The following PAFAH1B1 variants were observed in gnomAD, a reference collection of about 807,000 sequenced individuals.
The protein encoded by PAFAH1B1 is platelet-activating factor acetylhydrolase IB subunit beta.
Under a neutral mutation model 57.5 loss-of-function variants are expected in PAFAH1B1, and 2 were observed. That is an observed-to-expected ratio of 0.03 (90% CI 0.01 to 0.11). The LOEUF is 0.11. Ranked by LOEUF, PAFAH1B1 falls within the 10% of genes least tolerant of loss-of-function variation. The pLI, the probability that PAFAH1B1 is intolerant of heterozygous loss-of-function variation, is 1.00. For missense variants in PAFAH1B1, 257 were observed against 512.0 expected, an observed-to-expected ratio of 0.50 and a Z score of 4.81; for synonymous variants, 152 against 169.6, an observed-to-expected ratio of 0.90 and a Z score of 0.81.
chr17:2,666,985 T>C lies in PAFAH1B1; in HGVS notation c.193-7T>C, dbSNP rs529421112. On this transcript the variant is annotated splice_polypyrimidine_tract_variant and splice_region_variant and intron_variant, in intron 4 of 10. Coordinates refer to ENST00000397195, the MANE Select transcript of PAFAH1B1 (RefSeq NM_000430.4). ...TATCTGTACGTAACTACATGTTCTT[T>C]TTCAAGGTTATGGAATTAGAATCAA... 8 of 1,605,472 alleles carry C rather than the reference T, an allele frequency of 5.0e-6. No individual in the cohort carries two copies. The African/African-American group carries it at 5.3e-5, about 11-fold the overall frequency.
At chr17:2,600,901 T>A (rs969609847) in intron 1 of PAFAH1B1, among the ~76,000 whole-genome samples, 1 of 151,860 alleles carries the variant, frequency 6.6e-6, no homozygotes, top group Non-Finnish European at 1.5e-5. Flanking sequence ...CCTGGCTAAT[T>A]TTTTATTTTT....
At chr17:2,606,810 CTTTTTTTTTT>C (rs770011553) in intron 1 of PAFAH1B1, among the ~76,000 whole-genome samples, 5 of 101,714 alleles carry the variant, frequency 4.9e-5, no homozygotes, top group Admixed American at 1.0e-4. Context: ...TGCCTCAGAG[CTTTTTTTTTT>C]TTTTTTTTTT....
At chr17:2,612,997 T>G (rs1031144945) in intron 1 of PAFAH1B1, among the ~76,000 whole-genome samples, 1 of 151,752 alleles carries the variant, frequency 6.6e-6, no homozygotes, top group South Asian at 2.1e-4. Context: ...ATAAAATGTT[T>G]TGTAAAATAA....
At chr17:2,625,287 T>C (rs549705838) in intron 1 of PAFAH1B1, among the ~76,000 whole-genome samples, 3 of 152,344 alleles carry the variant, frequency 2.0e-5, no homozygotes, top group East Asian at 1.9e-4. Context: ...TGAATTTTGT[T>C]TGTCATATAT....
chr17:2,622,390 T>A (rs1361262575), intron 1 of PAFAH1B1, among the ~76,000 whole-genome samples: 1 of 152,032 alleles, frequency 6.6e-6, no homozygotes, highest in Non-Finnish European at 1.5e-5. Flanking sequence ...AGGTATTGGG[T>A]AAATGCAGCC....
chr17:2,677,860 TAAATA>T (rs1177547672), intron 9 of PAFAH1B1, among the ~76,000 whole-genome samples: 1 of 150,338 alleles, frequency 6.7e-6, no homozygotes, highest in African/African-American at 2.4e-5. Context: ...CCTCAAAAAA[TAAATA>T]AATAAATAAA....
chr17:2,664,466 T>C (rs2317296), intron 2 of PAFAH1B1, among the ~76,000 whole-genome samples: 149,417 of 150,914 alleles, frequency 0.99, 73,984 homozygotes, highest in East Asian at 1. Flanking sequence ...AGTGCAGTGA[T>C]GCGGTCTTGG....
intron 2 of PAFAH1B1, among the ~76,000 whole-genome samples, chr17:2,644,952 A>G (rs979408666): frequency 2.0e-5 from 3 of 152,180 alleles, no homozygotes. Context: ...TAAATAATTT[A>G]AAATGTTCAT....
chr17:2,609,051 A>G (rs1410893203), intron 1 of PAFAH1B1, among the ~76,000 whole-genome samples: 1 of 152,230 alleles, frequency 6.6e-6, no homozygotes, highest in Non-Finnish European at 1.5e-5. Context: ...TTTAAAAACT[A>G]GCTGTTTTAC....
intron 9 of PAFAH1B1, among the ~76,000 whole-genome samples, chr17:2,678,953 A>G (rs2069319124): frequency 6.6e-6 from 1 of 152,228 alleles, no homozygotes; most frequent in Non-Finnish European, 1.5e-5. Context: ...TACTAGCCAC[A>G]TGCAGCTATT....
intron 1 of PAFAH1B1, among the ~76,000 whole-genome samples, chr17:2,620,771 A>G (rs1452715975): frequency 6.6e-6 from 1 of 152,106 alleles, no homozygotes; most frequent in East Asian, 1.9e-4. Context: ...CTGAGGTAGG[A>G]GAATCACTTG....
intron 1 of PAFAH1B1, among the ~76,000 whole-genome samples, chr17:2,621,079 ATCT>A (rs1381708776): frequency 2.0e-5 from 3 of 152,178 alleles, no homozygotes; most frequent in Non-Finnish European, 4.4e-5. Context: ...ATTAATAAAA[ATCT>A]TCTGTCTCAT....
chr17:2,678,405 A>G (rs1477808910), intron 9 of PAFAH1B1, among the ~76,000 whole-genome samples: 29 of 132,638 alleles, frequency 2.2e-4, no homozygotes, highest in Middle Eastern at 7.9e-3. Context: ...CATCTCAAAA[A>G]AAAAAAAAAA....
At chr17:2,601,867 C>T (rs1163690519) in intron 1 of PAFAH1B1, among the ~76,000 whole-genome samples, 1 of 152,202 alleles carries the variant, frequency 6.6e-6, no homozygotes, top group Non-Finnish European at 1.5e-5. Context: ...GCTGGGATTA[C>T]AGGCATGAGC....
chr17:2,607,062 G>A (rs946554915), intron 1 of PAFAH1B1, among the ~76,000 whole-genome samples: 1 of 151,766 alleles, frequency 6.6e-6, no homozygotes, highest in African/African-American at 2.4e-5. Context: ...CTGACATTGT[G>A]ATCCACCCGC....
At chr17:2,642,811 T>A (rs1422750674) in intron 2 of PAFAH1B1, among the ~76,000 whole-genome samples, 1 of 152,154 alleles carries the variant, frequency 6.6e-6, no homozygotes, top group African/African-American at 2.4e-5. Context: ...GTATTACTCA[T>A]TTGAAATATA....
intron 1 of PAFAH1B1, among the ~76,000 whole-genome samples, chr17:2,627,940 C>G (rs971919828): frequency 6.6e-6 from 1 of 152,166 alleles, no homozygotes; most frequent in Non-Finnish European, 1.5e-5. Context: ...AATCCAGAAA[C>G]TTTGCCGAAT....
intron 1 of PAFAH1B1, among the ~76,000 whole-genome samples, chr17:2,594,590 C>A (rs2068064016): frequency 6.6e-6 from 1 of 152,196 alleles, no homozygotes; most frequent in Admixed American, 6.5e-5. Context: ...CGGAGGGTGG[C>A]CCACCGTCTC....
intron 1 of PAFAH1B1, among the ~76,000 whole-genome samples, chr17:2,624,462 C>T (rs890863245): frequency 6.6e-6 from 1 of 152,112 alleles, no homozygotes; most frequent in African/African-American, 2.4e-5. Flanking sequence ...CTTGTAGTTC[C>T]ACATGGCTGG....
Sources: allele counts gnomAD v4.1 joint callset (sites outside exome capture counted in the v4.1 genomes callset), GRCh38; gene constraint gnomAD v4.1.1; transcripts MANE v1.5; gene names NCBI Gene and HGNC (gene_info 2026-07-23, HGNC 2026-07-21).